The following PPP1R12A variants were observed in gnomAD, a reference collection of about 807,000 sequenced individuals.
The protein encoded by PPP1R12A is myosin binding subunit.
PPP1R12A carries 19 observed loss-of-function variants against 139.6 expected under a neutral mutation model. The ratio of observed to expected loss-of-function variants is 0.14; its 90% CI spans 0.09 to 0.20. The LOEUF is 0.20. Ranked by LOEUF, PPP1R12A falls within the 10% of genes least tolerant of loss-of-function variation. The pLI, the probability that PPP1R12A is intolerant of heterozygous loss-of-function variation, is 1.00. For synonymous variants in PPP1R12A, 427 were observed against 420.6 expected (o/e 1.02, Z -0.19); for missense variants, 925 against 1,211.5 (o/e 0.76, Z 3.51).
At chr12:79,886,586 T>A (rs1884126682) in intron 1 of PPP1R12A, among the ~76,000 whole-genome samples, 1 of 152,082 alleles carries the variant, frequency 6.6e-6, no homozygotes, top group Non-Finnish European at 1.5e-5. Flanking sequence ...ATATATAGTA[T>A]CTAAGAGTAA....
intron 1 of PPP1R12A, among the ~76,000 whole-genome samples, chr12:79,876,492 G>A (rs1260349611): frequency 6.6e-6 from 1 of 152,126 alleles, no homozygotes; most frequent in Non-Finnish European, 1.5e-5. Context: ...TGATAGGGCT[G>A]GGAATCTCAC....
intron 1 of PPP1R12A, among the ~76,000 whole-genome samples, chr12:79,895,625 C>T (rs1263478438): frequency 6.6e-6 from 1 of 152,104 alleles, no homozygotes; most frequent in Non-Finnish European, 1.5e-5. Context: ...AGACTGTATA[C>T]ATAAGACATA....
intron 20 of PPP1R12A, among the ~76,000 whole-genome samples, chr12:79,790,164 T>C (rs986279744): frequency 2.6e-5 from 4 of 152,090 alleles, no homozygotes; most frequent in Non-Finnish European, 5.9e-5. Flanking sequence ...TCAAATACAT[T>C]TCTGGCCAAG....
chr12:79,778,356 A>G (rs1183545378), intron 24 of PPP1R12A, 194 bp downstream of exon 24: 1 of 368,212 alleles, frequency 2.7e-6, no homozygotes, highest in African/African-American at 2.1e-5. Context: ...CATAGGTGTT[A>G]AGATTTGGGT....
chr12:79,779,203 A>G (rs1281531950), intron 23 of PPP1R12A: 1 of 814,156 alleles, frequency 1.2e-6, no homozygotes, highest in Non-Finnish European at 1.8e-6. Context: ...CAAAGCCAAC[A>G]CACAACACAT....
chr12:79,809,326 C>A (rs936821230), intron 10 of PPP1R12A, among the ~76,000 whole-genome samples: 28 of 151,934 alleles, frequency 1.8e-4, no homozygotes, highest in African/African-American at 6.8e-4. Context: ...AGTATTAATA[C>A]CACCTCTCAA....
In PPP1R12A at chr12:79,796,771, G is replaced by C; in HGVS notation, c.2461+11C>G. On this transcript the variant is annotated intron_variant, in intron 17 of 24. Coordinates refer to ENST00000450142, the MANE Select transcript of PPP1R12A (RefSeq NM_002480.3). ...AGAAAGCAAAGTGTTTTCAAAATTT[G>C]GTATTCTTACCTCTTTCATTTTCTT... 1 of 1,574,254 alleles carries C rather than the reference G, an allele frequency of 6.4e-7. No homozygotes were observed. Among genetic ancestry groups the C allele is most frequent in the South Asian group, 1.1e-5 (1 of 87,302 alleles).
chr12:79,802,564 C>T (rs1204902510), intron 14 of PPP1R12A, among the ~76,000 whole-genome samples: 1 of 152,146 alleles, frequency 6.6e-6, no homozygotes, highest in Admixed American at 6.5e-5. Flanking sequence ...GGGAAGACTG[C>T]TTGTGGCCAG....
At chr12:79,794,153 T>C (rs1872225177) in intron 18 of PPP1R12A, among the ~76,000 whole-genome samples, 1 of 152,126 alleles carries the variant, frequency 6.6e-6, no homozygotes, top group East Asian at 1.9e-4. Context: ...CATTATACTA[T>C]TATGTTACTT....
chr12:79,925,909 T>C (rs1887805585), intron 1 of PPP1R12A, among the ~76,000 whole-genome samples: 1 of 152,126 alleles, frequency 6.6e-6, no homozygotes, highest in Non-Finnish European at 1.5e-5. Context: ...TGCTAGAGAT[T>C]TCTTTTCTTT....
intron 1 of PPP1R12A, among the ~76,000 whole-genome samples, chr12:79,877,547 G>A (rs1374151406): frequency 6.6e-6 from 1 of 152,140 alleles, no homozygotes; most frequent in Non-Finnish European, 1.5e-5. Context: ...ACAGAGTCTT[G>A]CTCTGTCGCC....
chr12:79,876,100 C>G (rs1393277649), intron 1 of PPP1R12A, among the ~76,000 whole-genome samples: 2 of 152,134 alleles, frequency 1.3e-5, no homozygotes, highest in African/African-American at 2.4e-5. Flanking sequence ...TGACTGTATC[C>G]ACATTTCATA....
intron 3 of PPP1R12A, among the ~76,000 whole-genome samples, chr12:79,837,633 A>G (rs1340679443): frequency 6.6e-6 from 1 of 152,198 alleles, no homozygotes; most frequent in African/African-American, 2.4e-5. Flanking sequence ...GTGGGAGGTA[A>G]CTAAATCATG....
rs545283122 is a variant in PPP1R12A, at chr12:79,933,818, T to C, written c.237+877A>G. On this transcript the variant is annotated intron_variant, in intron 1 of 24. Coordinates refer to ENST00000450142, the MANE Select transcript of PPP1R12A (RefSeq NM_002480.3). ...ACTTTAATATGCACAAAGCATCCAT[T>C]TTGAGAAAAGTTTGTGACCAGCTTT... Among the ~76,000 whole-genome samples the C allele has an allele frequency of 1.4e-4, 22 of 152,356 alleles. No homozygotes were observed. The South Asian group carries it at 4.3e-3, about 30-fold the overall frequency.
chr12:79,832,424 T>C lies in PPP1R12A; in HGVS notation c.555A>G (p.Leu185=). Residue 185 remains leucine, a synonymous_variant, in exon 4 of 25, where the codon CTA becomes CTG. Transcript: ENST00000450142. ...RIMLRDARQW[L]NSGHINDVRH... The stretch of plus-strand genomic sequence containing the variant: ...GGACATCATTTATATGACCACTATT[T>C]AGCCACTGCCTGGCATCTCTAAGCA... 1 of 1,613,632 alleles carries C rather than the reference T, an allele frequency of 6.2e-7. No homozygotes were observed. Among genetic ancestry groups the C allele is most frequent in the Non-Finnish European group, 8.5e-7 (1 of 1,179,680 alleles).
intron 1 of PPP1R12A, among the ~76,000 whole-genome samples, chr12:79,933,774 CCAAT>C (rs1294454919): frequency 1.3e-5 from 2 of 152,258 alleles, no homozygotes; most frequent in South Asian, 4.1e-4. Flanking sequence ...TTGAGAGATC[CCAAT>C]CAGACTACTA....
chr12:79,779,667 T>C, intron 23 of PPP1R12A: 1 of 276,146 alleles, frequency 3.6e-6, no homozygotes, highest in East Asian at 8.0e-5. Context: ...CTTCTCAAAA[T>C]ACTAGCACAT....
Position 79,808,502 on chromosome 12 carries a change from T to C in PPP1R12A, c.1531A>G (p.Ile511Val), listed in dbSNP as rs767819520. Residue 511 changes from isoleucine to valine, a missense_variant, in exon 11 of 25, where the codon ATT becomes GTT. Physicochemically the swap from Ile to Val is conservative, Grantham distance 29. Around this residue, in one of 4 missense-constraint regions of PPP1R12A, gnomAD observed 403 missense variants for 463.7 expected, o/e 0.87. Coordinates refer to ENST00000450142, the MANE Select transcript of PPP1R12A (RefSeq NM_002480.3). ...ACTCACCTGTTTTCTTTCTCTTCAA[T>C]GTCAGATGTACTGGCTAGTCGTCTT... ...IPRRLASTSD[I>V]EEKENRDSSS... 1.9e-6 allele frequency: 3 copies of C among 1,603,230 alleles called. No individual in the cohort carries two copies. In the Admixed American group the frequency reaches 5.0e-5, roughly 27 times the overall value.
chr12:79,880,582 G>C (rs1883545453), intron 1 of PPP1R12A, among the ~76,000 whole-genome samples: 1 of 152,102 alleles, frequency 6.6e-6, no homozygotes, highest in African/African-American at 2.4e-5. Context: ...GTAAGTAGTA[G>C]GAGAAAGTAG....
Sources: gnomAD v4.1 joint callset for allele counts (sites outside exome capture counted in the v4.1 genomes callset) on GRCh38, gnomAD v4.1.1 for gene constraint, gnomAD v4.1.1 regional missense constraint, MANE v1.5 for transcripts, NCBI Gene and HGNC (gene_info 2026-07-23, HGNC 2026-07-21) for gene names.